TAF1A: variants seen among roughly 807,000 people sequenced by gnomAD.
TAF1A encodes TATA box-binding protein-associated factor RNA polymerase I subunit A.
TAF1A carries 42 observed loss-of-function variants against 61.6 expected under a neutral mutation model. The observed-to-expected ratio is 0.68, with a 90% CI of 0.53 to 0.88. The LOEUF is 0.88. Among genes scored for constraint, TAF1A ranks in the 40% least tolerant of loss-of-function variants. TAF1A has a pLI of 0.00. For missense variants in TAF1A, 424 were observed against 518.7 expected (o/e 0.82, Z 1.77); for synonymous variants, 179 against 177.7 (o/e 1.01, Z -0.06).
At chr1:222,588,682 A>G in intron 1 of TAF1A, 117 bp from the exon 2 acceptor site, 2 of 1,071,712 alleles carry the variant, frequency 1.9e-6, no homozygotes, top group Non-Finnish European at 2.6e-6. Context: ...AGCAAAATGC[A>G]TTATACCTGT....
intron 2 of TAF1A, among the ~76,000 whole-genome samples, chr1:222,587,637 C>T (rs1661065854): frequency 6.6e-6 from 1 of 152,052 alleles, no homozygotes; most frequent in African/African-American, 2.4e-5. Context: ...TAAATATATT[C>T]TTATAGGGAA....
At chr1:222,579,062 A>G (rs1456742111) in intron 4 of TAF1A, among the ~76,000 whole-genome samples, 3 of 152,196 alleles carry the variant, frequency 2.0e-5, no homozygotes, top group African/African-American at 4.8e-5. Context: ...AGGGTAGGCC[A>G]TTCCCATTTC....
At position 222,577,543 on chromosome 1, in the gene TAF1A, G is replaced by A. The variant is rs753880386; in HGVS notation, c.506C>T (p.Thr169Met). The change falls in exon 5 of 11, where the codon ACG becomes ATG. Residue 169 changes from threonine to methionine, a missense_variant. Thr to Met is a moderately conservative substitution (Grantham distance 81, BLOSUM62 -1). Coordinates refer to ENST00000352967, the MANE Select transcript of TAF1A (RefSeq NM_005681.4). ...EAETWRHGEN[T>M]SSREILINLI... ...GTTGATTAATATTTCCCGGGAAGAC[G>A]TATTTTCACCATGTCTCCATGTCTC... 8.1e-6 allele frequency: 13 copies of A among 1,613,610 alleles called. No homozygotes were observed. The African/African-American group carries it at 1.1e-4, about 13-fold the overall frequency.
intron 7 of TAF1A, among the ~76,000 whole-genome samples, chr1:222,566,852 G>A (rs1394621564): frequency 1.3e-5 from 2 of 152,170 alleles, no homozygotes; most frequent in Non-Finnish European, 2.9e-5. Flanking sequence ...ATTGTTGGTA[G>A]GAATGTAAAA....
chr1:222,583,796 G>A (rs1282813039), intron 3 of TAF1A, among the ~76,000 whole-genome samples: 2 of 147,864 alleles, frequency 1.4e-5, no homozygotes, highest in African/African-American at 2.5e-5. Context: ...CCGAGATCGC[G>A]CTACTTCACT....
intron 6 of TAF1A, 96 bp downstream of exon 6, chr1:222,570,439 A>G: frequency 8.0e-7 from 1 of 1,255,822 alleles, no homozygotes; most frequent in Non-Finnish European, 1.1e-6. Context: ...AATTTTTTCC[A>G]TTAGTTTCTT....
chr1:222,567,084 T>C (rs1180563695), intron 7 of TAF1A, among the ~76,000 whole-genome samples: 4 of 152,200 alleles, frequency 2.6e-5, no homozygotes, highest in Non-Finnish European at 5.9e-5. Flanking sequence ...CAAAATGTTG[T>C]AGGTACATAA....
At chr1:222,562,776 A>G (rs142155990) in intron 9 of TAF1A, among the ~76,000 whole-genome samples, 59 of 152,292 alleles carry the variant, frequency 3.9e-4, no homozygotes, top group Non-Finnish European at 5.9e-4. Context: ...GGTCCTAAAA[A>G]TACTCACTGA....
At chr1:222,585,802 C>T (rs1304041023) in intron 2 of TAF1A, among the ~76,000 whole-genome samples, 3 of 150,508 alleles carry the variant, frequency 2.0e-5, no homozygotes, top group Non-Finnish European at 4.5e-5. Context: ...CTATTAAAAG[C>T]TTGTTCATAA....
At chr1:222,573,316 C>T (rs929464889) in intron 5 of TAF1A, among the ~76,000 whole-genome samples, 3 of 152,018 alleles carry the variant, frequency 2.0e-5, no homozygotes, top group African/African-American at 4.8e-5. Context: ...TGAAAACACA[C>T]AGAAAAGGTG....
intron 5 of TAF1A, among the ~76,000 whole-genome samples, chr1:222,573,848 AT>A (rs1347317197): frequency 6.6e-6 from 1 of 152,342 alleles, no homozygotes; most frequent in East Asian, 1.9e-4. Flanking sequence ...AAACAATCTA[AT>A]TGTTCATCAA....
chr1:222,570,981 T>C lies in TAF1A; in HGVS notation c.605-316A>G, dbSNP rs533463404. ...TTAACAAAAATACTAGCAAACTGAGTCCAACAACATATAAAAAGCATTATA... is the reference window on the plus strand; with the variant it reads ...TTAACAAAAATACTAGCAAACTGAGCCCAACAACATATAAAAAGCATTATA... On this transcript the variant is annotated intron_variant, in intron 5 of 10. Coordinates refer to ENST00000352967, the MANE Select transcript of TAF1A (RefSeq NM_005681.4). 2.0e-5 allele frequency among the ~76,000 whole-genome samples: 3 copies of C among 152,114 alleles called. No individual in the cohort carries two copies. The East Asian group carries it at 5.8e-4, about 29-fold the overall frequency.
At chr1:222,557,545 G>A (rs927264047), downstream of TAF1A, among the ~76,000 whole-genome samples, 2 of 152,148 alleles carry the variant, frequency 1.3e-5, no homozygotes, top group Admixed American at 1.3e-4. Context: ...CCGCTTCCCA[G>A]TTTCAAGCGA....
At chr1:222,566,603 T>G (rs1443099155) in intron 7 of TAF1A, among the ~76,000 whole-genome samples, 1 of 152,154 alleles carries the variant, frequency 6.6e-6, no homozygotes, top group Non-Finnish European at 1.5e-5. Context: ...ATCCCTCCCA[T>G]GTGCAGTTCA....
Position 222,577,485 on chromosome 1 carries a change from A to C in TAF1A, c.564T>G (p.Tyr188Ter). The C allele has an allele frequency of 1.2e-6, 2 of 1,613,982 alleles. No individual in the cohort carries two copies. Among genetic ancestry groups the C allele is most frequent in the Non-Finnish European group, 1.7e-6 (2 of 1,179,916 alleles). Reference protein sequence around the residue: ...LIQAYKGLLQYYTWSEKKMEL... With the variant: ...LIQAYKGLLQ ...CCATCTTCTTTTCAGACCAGGTATAATACTGTAAAAGCCCTTTATAGGCCT... is the reference window on the plus strand; with the variant it reads ...CCATCTTCTTTTCAGACCAGGTATACTACTGTAAAAGCCCTTTATAGGCCT... The change falls in exon 5 of 11, where the codon TAT becomes TAG. Residue 188 changes from tyrosine to a stop codon, truncating the protein, a stop_gained. Transcript: ENST00000352967. LOFTEE classifies it high-confidence loss of function.
intron 3 of TAF1A, 108 bp downstream of exon 3, chr1:222,584,020 G>T: frequency 7.4e-7 from 1 of 1,355,438 alleles, no homozygotes; most frequent in South Asian, 1.3e-5. Flanking sequence ...AGTTTTAGTA[G>T]CTTTTAGCAA....
downstream of TAF1A, among the ~76,000 whole-genome samples, chr1:222,554,566 T>C (rs1659706610): frequency 7.4e-6 from 1 of 135,564 alleles, no homozygotes; most frequent in Non-Finnish European, 1.8e-5. Flanking sequence ...TATAGGTAAA[T>C]AACTGGGTCC....
In TAF1A at chr1:222,579,882, CAGA is replaced by C; in HGVS notation, c.292-13_292-11del. ...CGAGCTTCCAAATAATCTGTCAAAG[CAGA>C]AATTACTGCCAAAATGTAAAATTTT... On this transcript the variant is annotated splice_polypyrimidine_tract_variant and intron_variant, in intron 3 of 10. Coordinates refer to ENST00000352967, the MANE Select transcript of TAF1A (RefSeq NM_005681.4). 6.3e-7 allele frequency: 1 copy of C among 1,588,194 alleles called. No homozygotes were observed. The highest frequency in any genetic ancestry group is 8.5e-7 in the Non-Finnish European group (1 of 1,172,536).
rs1571793023 is a variant in TAF1A at position 222,561,268 on chromosome 1, G to A, written c.1240+96C>T. 1.9e-5 allele frequency: 24 copies of A among 1,282,346 alleles called. No individual in the cohort carries two copies. In the East Asian group the frequency reaches 5.6e-4, roughly 30 times the overall value. 79.4% of individuals were successfully genotyped at this position (1,282,346 alleles called of 1,614,324 possible). ...ATGTCTTAAGCACCTAATATTTTTA[G>A]GTACCATGTTAGGTAAGCTCTAAAT... is the stretch of plus-strand genomic sequence containing the variant. On this transcript the variant is annotated intron_variant, in intron 10 of 10. Coordinates refer to ENST00000352967, the MANE Select transcript of TAF1A (RefSeq NM_005681.4).
Sources: allele counts gnomAD v4.1 joint callset (sites outside exome capture counted in the v4.1 genomes callset), GRCh38; gene constraint gnomAD v4.1.1; transcripts MANE v1.5; gene names NCBI Gene and HGNC (gene_info 2026-07-23, HGNC 2026-07-21).